Variants in DIAPH2 observed in about 807,000 individuals in gnomAD.
DIAPH2 encodes protein diaphanous homolog 2.
DIAPH2 carries 35 observed loss-of-function variants against 92.7 expected under a neutral mutation model. The ratio of observed to expected loss-of-function variants is 0.38; its 90% CI spans 0.29 to 0.50. The LOEUF (loss-of-function observed/expected upper bound fraction) is 0.50, where lower values mean the gene tolerates loss of function less well. Among genes scored for constraint, DIAPH2 ranks in the 20% least tolerant of loss-of-function variants. The pLI, the probability that DIAPH2 is intolerant of heterozygous loss-of-function variation, is 0.94. For missense variants in DIAPH2, 701 were observed against 819.5 expected (o/e 0.86, Z 1.77); for synonymous variants, 301 against 280.4 (o/e 1.07, Z -0.73).
At chrX:97,281,009 G>A (rs188761090) in intron 23 of DIAPH2, among the ~76,000 whole-genome samples, 12 of 112,378 alleles carry the variant, frequency 1.1e-4, no homozygotes, top group African/African-American at 3.9e-4. Context: ...AAATGTGAAT[G>A]TGTTTTGACT....
intron 26 of DIAPH2, among the ~76,000 whole-genome samples, chrX:97,491,305 C>T (rs2070723812): frequency 8.9e-6 from 1 of 112,065 alleles, no homozygotes; most frequent in Non-Finnish European, 1.9e-5. Context: ...GTCCTCAAAG[C>T]TAAGTGTTGT....
chrX:97,510,205 C>G (rs1325966627), intron 26 of DIAPH2, among the ~76,000 whole-genome samples: 5 of 110,334 alleles, frequency 4.5e-5, no homozygotes, highest in Non-Finnish European at 9.4e-5. Flanking sequence ...ACCATTCTAA[C>G]TGGTGTGAGA....
intron 22 of DIAPH2, among the ~76,000 whole-genome samples, chrX:97,192,621 T>A (rs1437056667): frequency 2.7e-5 from 3 of 112,082 alleles, no homozygotes; most frequent in Non-Finnish European, 5.6e-5. Flanking sequence ...AAAGAACTAC[T>A]CCTTTATTCT....
In DIAPH2 at chrX:97,397,614, A is replaced by G. The variant is rs192169453; in HGVS notation, c.3145+13570A>G. On this transcript the variant is annotated intron_variant, in intron 25 of 26. Coordinates refer to ENST00000324765, the MANE Select transcript of DIAPH2 (RefSeq NM_006729.5). The stretch of plus-strand genomic sequence containing the variant: ...CCACATTCTCAGAGTATGCTGGTTT[A>G]GGCTGTGTTGTAATCTGTAAATCAT... 4.8e-3 allele frequency among the ~76,000 whole-genome samples: 543 copies of G among 112,057 alleles called. 5 individuals are homozygous for G. The highest frequency in any genetic ancestry group is 0.017 in the African/African-American group (518 of 30,835).
chrX:97,009,473 C>G (rs772696407), intron 17 of DIAPH2, among the ~76,000 whole-genome samples: 24 of 112,016 alleles, frequency 2.1e-4, no homozygotes, highest in Non-Finnish European at 4.3e-4. Flanking sequence ...ACTCTTCCCT[C>G]TGCTTTCCTC....
At chrX:97,514,972 T>C (rs1324727384) in intron 26 of DIAPH2, among the ~76,000 whole-genome samples, 3 of 110,769 alleles carry the variant, frequency 2.7e-5, no homozygotes, top group Non-Finnish European at 3.8e-5. Flanking sequence ...TGTTTGTCTG[T>C]GCCCTGCCCC....
Position 97,317,813 on chromosome X carries a change from A to G in DIAPH2, c.2845-30303A>G, listed in dbSNP as rs532606865. Among the ~76,000 whole-genome samples, 89 of 111,863 alleles carry G rather than the reference A, an allele frequency of 8.0e-4. No homozygotes were observed. The South Asian group carries it at 0.032, about 41-fold the overall frequency. On this transcript the variant is annotated intron_variant, in intron 23 of 26. Transcript: ENST00000324765. ...CCTTGTCCGTGATTGTAATCACCGTAACTTGATTAGAGATTTTTTAAATTA... is the reference window on the plus strand; with the variant it reads ...CCTTGTCCGTGATTGTAATCACCGTGACTTGATTAGAGATTTTTTAAATTA...
intron 17 of DIAPH2, among the ~76,000 whole-genome samples, chrX:97,053,583 T>C (rs1048361512): frequency 4.5e-5 from 5 of 111,325 alleles, no homozygotes; most frequent in Non-Finnish European, 7.6e-5. Context: ...TACTCATTTT[T>C]AGAATAGGGA....
At chrX:97,391,927 T>TA (rs916642946) in intron 25 of DIAPH2, among the ~76,000 whole-genome samples, 8 of 111,418 alleles carry the variant, frequency 7.2e-5, no homozygotes, top group Non-Finnish European at 7.5e-5. Flanking sequence ...GTTAAATCCA[T>TA]AAAAAAATAC....
intron 21 of DIAPH2, among the ~76,000 whole-genome samples, chrX:97,133,289 T>C (rs1044012691): frequency 9.0e-6 from 1 of 111,086 alleles, no homozygotes; most frequent in African/African-American, 3.3e-5. Context: ...TTTTCTTTTT[T>C]CTTTTTTTTT....
chrX:96,744,553 G>A (rs2064138319), intron 3 of DIAPH2, among the ~76,000 whole-genome samples: 3 of 112,189 alleles, frequency 2.7e-5, no homozygotes, highest in South Asian at 7.4e-4. Flanking sequence ...AGGTACATTA[G>A]AGTGGTAGGT....
At chrX:97,143,678 A>G (rs2067223614) in intron 22 of DIAPH2, among the ~76,000 whole-genome samples, 1 of 111,020 alleles carries the variant, frequency 9.0e-6, no homozygotes, top group Admixed American at 9.6e-5. Flanking sequence ...AAATCAGCAT[A>G]TCAAAGGGAT....
At chrX:96,863,016 G>T (rs888003166) in intron 4 of DIAPH2, among the ~76,000 whole-genome samples, 1 of 110,462 alleles carries the variant, frequency 9.1e-6, no homozygotes, top group African/African-American at 3.3e-5. Flanking sequence ...CAGGTGTTGT[G>T]TAATACGTAT....
chrX:97,044,013 C>T (rs1051718200), intron 17 of DIAPH2, among the ~76,000 whole-genome samples: 6 of 111,895 alleles, frequency 5.4e-5, no homozygotes, highest in African/African-American at 1.3e-4. Flanking sequence ...TTTTTGACAT[C>T]GCTATACAGA....
At chrX:97,381,090 C>A (rs1356915958) in intron 24 of DIAPH2, among the ~76,000 whole-genome samples, 1 of 111,393 alleles carries the variant, frequency 9.0e-6, no homozygotes, top group Non-Finnish European at 1.9e-5. Flanking sequence ...AAAATTTAAT[C>A]TCTAGCCTTA....
chrX:96,748,361 A>G (rs1460725489), intron 3 of DIAPH2, among the ~76,000 whole-genome samples: 1 of 111,932 alleles, frequency 8.9e-6, no homozygotes, highest in African/African-American at 3.2e-5. Context: ...AAGTACATAA[A>G]TTATTTCCAT....
At chrX:96,785,731 C>T (rs2064451779) in intron 4 of DIAPH2, among the ~76,000 whole-genome samples, 1 of 109,597 alleles carries the variant, frequency 9.1e-6, no homozygotes, top group South Asian at 4.0e-4. Context: ...CCCGCCTTGG[C>T]CTCCCAAAGT....
At chrX:97,244,950 G>T in intron 22 of DIAPH2, among the ~76,000 whole-genome samples, 1 of 110,715 alleles carries the variant, frequency 9.0e-6, no homozygotes, top group Non-Finnish European at 1.9e-5. Flanking sequence ...TTAGCTGGGC[G>T]TGGTGGCACA....
chrX:97,565,782 C>T (rs1198790740), intron 26 of DIAPH2, among the ~76,000 whole-genome samples: 2 of 111,833 alleles, frequency 1.8e-5, no homozygotes, highest in African/African-American at 6.5e-5. Flanking sequence ...ACATTCATGT[C>T]CACCTAAGTT....
Sources: allele counts gnomAD v4.1 joint callset (sites outside exome capture counted in the v4.1 genomes callset), GRCh38; gene constraint gnomAD v4.1.1; transcripts MANE v1.5; gene names NCBI Gene and HGNC (gene_info 2026-07-23, HGNC 2026-07-21).